Variants in DLG2 observed in about 807,000 individuals in gnomAD.
The protein encoded by DLG2 is disks large homolog 2.
A neutral mutation model predicts 132.5 loss-of-function variants in DLG2; 45 were observed. The observed-to-expected ratio is 0.34, with a 90% CI of 0.27 to 0.44. The LOEUF (loss-of-function observed/expected upper bound fraction) is 0.44, where lower values mean the gene tolerates loss of function less well. Among genes scored for constraint, DLG2 ranks in the 20% least tolerant of loss-of-function variants. DLG2 has a pLI of 1.00. For missense variants in DLG2, 1,045 were observed against 1,196.9 expected (o/e 0.87, Z 1.87); for synonymous variants, 424 against 419.6 (o/e 1.01, Z -0.13).
intron 18 of DLG2, among the ~76,000 whole-genome samples, chr11:83,753,449 A>G (rs1231167133): frequency 6.6e-6 from 1 of 151,726 alleles, no homozygotes; most frequent in Non-Finnish European, 1.5e-5. Context: ...ACAAAAAACC[A>G]AAACCAAAAA....
At chr11:84,094,701 T>C (rs1595110551) in intron 10 of DLG2, among the ~76,000 whole-genome samples, 1 of 152,096 alleles carries the variant, frequency 6.6e-6, no homozygotes, top group African/African-American at 2.4e-5. Context: ...TACAGAGACA[T>C]GCAGGAGTAC....
chr11:83,614,811 T>G (rs540584799), intron 19 of DLG2, among the ~76,000 whole-genome samples: 30 of 152,344 alleles, frequency 2.0e-4, no homozygotes, highest in Middle Eastern at 3.4e-3. Flanking sequence ...CTGTGCTAGA[T>G]CCTTAGAACC....
chr11:83,725,615 A>G (rs2089856086), intron 18 of DLG2, among the ~76,000 whole-genome samples: 1 of 152,222 alleles, frequency 6.6e-6, no homozygotes, highest in African/African-American at 2.4e-5. Flanking sequence ...TTGAACCAGG[A>G]AAACTTGTAA....
chr11:84,214,262 A>AATAT (rs200249136), intron 8 of DLG2, among the ~76,000 whole-genome samples: 3 of 128,880 alleles, frequency 2.3e-5, no homozygotes, highest in African/African-American at 1.3e-4. Flanking sequence ...CATATATATG[A>AATAT]ATATATATAC....
rs186968470 is a variant in DLG2, at chr11:85,504,037, C to T, written c.40+94620G>A. On this transcript the variant is annotated intron_variant, in intron 3 of 27. Transcript: ENST00000376104. ...TTGAGAAGTGTCTGTTCATATACTT[C>T]GCCCACTTTTTGAGGGGGATGTTTG... Among the ~76,000 whole-genome samples, 268 of 152,166 alleles carry T rather than the reference C, an allele frequency of 1.8e-3. 1 individual carries two copies. Among genetic ancestry groups the T allele is most frequent in the African/African-American group, 6.2e-3 (256 of 41,560 alleles).
chr11:85,220,637 A>AAAT (rs371263007), intron 4 of DLG2, among the ~76,000 whole-genome samples: 84 of 148,316 alleles, frequency 5.7e-4, no homozygotes, highest in African/African-American at 1.8e-3. Context: ...TAGAAAAAAA[A>AAAT]ATATATATAT....
intron 5 of DLG2, among the ~76,000 whole-genome samples, chr11:85,113,209 G>A (rs2073052255): frequency 6.6e-6 from 1 of 152,042 alleles, no homozygotes. Flanking sequence ...TTTTGGCCAT[G>A]TGCTTGCTGC....
intron 8 of DLG2, among the ~76,000 whole-genome samples, chr11:84,234,379 C>A (rs2097132675): frequency 6.6e-6 from 1 of 152,162 alleles, no homozygotes; most frequent in South Asian, 2.1e-4. Flanking sequence ...TGAATTCTTT[C>A]TTCTGAGAAG....
chr11:85,020,807 T>C (rs2059991011), intron 6 of DLG2: 1 of 730,536 alleles, frequency 1.4e-6, no homozygotes, highest in Non-Finnish European at 2.5e-6. Context: ...TCAGCCTCTT[T>C]TTCATCATCC....
rs1271416577 is a variant in DLG2 at position 85,111,793 on chromosome 11, T to C, written c.283-58A>G. 3.9e-6 allele frequency: 5 copies of C among 1,285,078 alleles called. No individual in the cohort carries two copies. In the African/African-American group the frequency reaches 4.5e-5, roughly 11 times the overall value. The allele number at this position is 1,285,078 out of a possible 1,614,324, so 79.6% of individuals were successfully genotyped here. A position where few individuals can be genotyped will look rare whatever the true frequency, so the allele number is the denominator to read the frequency against. On this transcript the variant is annotated intron_variant, in intron 5 of 27. Transcript: ENST00000376104. The stretch of plus-strand genomic sequence containing the variant: ...TTTATTATGGGCCAGTATGTATATA[T>C]GCTAGCTGACATGTTTATTATCAAT...
intron 17 of DLG2, chr11:83,791,540 A>G (rs755874528): frequency 3.0e-5 from 17 of 574,012 alleles, no homozygotes; most frequent in Non-Finnish European, 4.9e-5. Context: ...TATTCAAGTT[A>G]AAGGATTTCC....
At chr11:84,178,165 G>C (rs1336086495) in intron 8 of DLG2, among the ~76,000 whole-genome samples, 1 of 152,144 alleles carries the variant, frequency 6.6e-6, no homozygotes, top group Non-Finnish European at 1.5e-5. Context: ...TTTACTGCCA[G>C]AGGGGGCCAA....
At chr11:84,317,140 A>C (rs772973438) in intron 7 of DLG2, 2 of 1,611,338 alleles carry the variant, frequency 1.2e-6, no homozygotes, top group South Asian at 2.2e-5. Context: ...TGAGGTATGC[A>C]TTCATACTGC....
intron 4 of DLG2, among the ~76,000 whole-genome samples, chr11:85,167,187 G>T (rs2078515241): frequency 6.6e-6 from 1 of 152,124 alleles, no homozygotes; most frequent in Admixed American, 6.6e-5. Flanking sequence ...TCACTGGGAA[G>T]CACTGCCCCT....
chr11:84,528,192 G>C (rs2099327305), intron 7 of DLG2, among the ~76,000 whole-genome samples: 1 of 151,988 alleles, frequency 6.6e-6, no homozygotes, highest in South Asian at 2.1e-4. Context: ...AAATTCTTGT[G>C]GTTTATTATA....
At chr11:83,606,089 A>C (rs889459295) in intron 19 of DLG2, among the ~76,000 whole-genome samples, 2 of 152,188 alleles carry the variant, frequency 1.3e-5, no homozygotes, top group African/African-American at 2.4e-5. Flanking sequence ...CTTTTCAAGA[A>C]AGGGAGGAGC....
At position 84,534,613 on chromosome 11, in the gene DLG2, T is replaced by C; in HGVS notation, c.476A>G (p.Asn159Ser). The C allele has an allele frequency of 6.2e-7, 1 of 1,614,042 alleles. No homozygotes were observed. The highest frequency in any genetic ancestry group is 2.2e-5 in the East Asian group (1 of 44,858). The change falls in exon 7 of 28, where the codon AAT becomes AGT. Residue 159 changes from asparagine (N) to serine (S), a missense_variant. This residue lies in a region of DLG2 where 277 missense variants were observed against 238.2 expected (regional missense o/e 1.16). Coordinates refer to ENST00000376104, the MANE Select transcript of DLG2 (RefSeq NM_001142699.3). Reference sequence around the variant, plus strand: ...AGACTGCAAGACATATCCATGGACATTTTCTATTTGAGAGAGGTTCTTTTC... The same window carrying C: ...AGACTGCAAGACATATCCATGGACACTTTCTATTTGAGAGAGGTTCTTTTC... ...VSEKNLSQIE[N>S]VHGYVLQSHI... is the part of the protein sequence containing the mutation.
chr11:84,670,132 A>G (rs74456497), intron 6 of DLG2, among the ~76,000 whole-genome samples: 27,325 of 152,084 alleles, frequency 0.18, 2,717 homozygotes, highest in African/African-American at 0.23. Flanking sequence ...TGAGATATAA[A>G]GAGAAATAAC....
intron 6 of DLG2, among the ~76,000 whole-genome samples, chr11:84,788,466 G>T (rs1325191828): frequency 1.3e-5 from 2 of 151,968 alleles, no homozygotes; most frequent in Non-Finnish European, 2.9e-5. Context: ...CATGCCTGTG[G>T]TCCTGAGTCA....
Sources: allele counts gnomAD v4.1 joint callset (sites outside exome capture counted in the v4.1 genomes callset), GRCh38; gene constraint gnomAD v4.1.1; regional missense constraint gnomAD v4.1.1; transcripts MANE v1.5; gene names NCBI Gene and HGNC (gene_info 2026-07-23, HGNC 2026-07-21).